The following TNR variants were observed in gnomAD, a reference collection of about 807,000 sequenced individuals.
TNR encodes tenascin-R.
In TNR, 45 loss-of-function variants were observed where a neutral mutation model predicts 150.4. That is an observed-to-expected ratio of 0.30 (90% confidence interval 0.24 to 0.38). The LOEUF (loss-of-function observed/expected upper bound fraction) is 0.38. Ranked by LOEUF, TNR falls within the 10% of genes least tolerant of loss-of-function variation. The pLI, the probability that TNR is intolerant of heterozygous loss-of-function variation, is 1.00. For missense variants in TNR, 1,544 were observed against 1,759.1 expected (o/e 0.88, Z 2.19); for synonymous variants, 687 against 678.4 (o/e 1.01, Z -0.20).
rs74923178 is a variant in TNR at position 175,643,874 on chromosome 1, A to G, written c.-165+99352T>C. Reference sequence around the variant, plus strand: ...AAATGTTATAAGACAACAACCAGTCATTTGATGCATCCTGATTGTTTAAGT... The same window carrying G: ...AAATGTTATAAGACAACAACCAGTCGTTTGATGCATCCTGATTGTTTAAGT... On this transcript the variant is annotated intron_variant, in intron 1 of 22. Coordinates refer to ENST00000367674, the MANE Select transcript of TNR (RefSeq NM_003285.3). Among the ~76,000 whole-genome samples, 1,341 of 152,360 alleles carry G rather than the reference A, an allele frequency of 8.8e-3. 22 individuals are homozygous for G. Among genetic ancestry groups the G allele is most frequent in the African/African-American group, 0.031 (1,284 of 41,584 alleles).
At chr1:175,616,450 C>T (rs1489100470) in intron 1 of TNR, among the ~76,000 whole-genome samples, 2 of 152,152 alleles carry the variant, frequency 1.3e-5, no homozygotes, top group African/African-American at 4.8e-5. Context: ...GGGATCCAGA[C>T]ATGTGAAAGT....
At chr1:175,409,389 G>C (rs1654104896) in intron 2 of TNR, among the ~76,000 whole-genome samples, 1 of 152,170 alleles carries the variant, frequency 6.6e-6, no homozygotes, top group Admixed American at 6.6e-5. Context: ...ACAAGTGACA[G>C]GGAAATTAAG....
chr1:175,546,112 G>A (rs1660676060), intron 1 of TNR, among the ~76,000 whole-genome samples: 1 of 152,120 alleles, frequency 6.6e-6, no homozygotes, highest in Non-Finnish European at 1.5e-5. Context: ...TAAATGAAGA[G>A]GCGAAAAATT....
chr1:175,687,510 G>T (rs1375309130), intron 1 of TNR, among the ~76,000 whole-genome samples: 1 of 152,102 alleles, frequency 6.6e-6, no homozygotes, highest in East Asian at 1.9e-4. Flanking sequence ...AAAGCAACAT[G>T]TTCTGTCCCT....
At chr1:175,506,966 C>A (rs531278504) in intron 2 of TNR, among the ~76,000 whole-genome samples, 1 of 152,284 alleles carries the variant, frequency 6.6e-6, no homozygotes, top group African/African-American at 2.4e-5. Context: ...CAGACCCTAA[C>A]AGTATAGCAG....
intron 1 of TNR, among the ~76,000 whole-genome samples, chr1:175,728,789 G>T (rs900476250): frequency 1.2e-4 from 18 of 152,164 alleles, no homozygotes; most frequent in African/African-American, 4.3e-4. Context: ...AAGGAGGTAG[G>T]GAAATCAATA....
chr1:175,519,695 C>T (rs913585838), intron 2 of TNR, among the ~76,000 whole-genome samples: 6 of 152,180 alleles, frequency 3.9e-5, no homozygotes, highest in African/African-American at 1.2e-4. Flanking sequence ...TACAGGGGTG[C>T]CCTGCTTTCC....
At chr1:175,438,205 G>A (rs1197942724) in intron 2 of TNR, among the ~76,000 whole-genome samples, 2 of 152,150 alleles carry the variant, frequency 1.3e-5, no homozygotes, top group Non-Finnish European at 2.9e-5. Context: ...TCATCCCTGG[G>A]ATGCAAGGCT....
intron 21 of TNR, among the ~76,000 whole-genome samples, chr1:175,325,706 A>C (rs1413307928): frequency 6.6e-6 from 1 of 152,254 alleles, no homozygotes; most frequent in African/African-American, 2.4e-5. Flanking sequence ...GAATGAGTTC[A>C]TGTCCTTTGC....
At chr1:175,568,298 T>C (rs1023996423) in intron 1 of TNR, among the ~76,000 whole-genome samples, 1 of 150,366 alleles carries the variant, frequency 6.7e-6, no homozygotes, top group African/African-American at 2.5e-5. Flanking sequence ...CATACAAGCC[T>C]AACTGCTGTT....
chr1:175,586,833 C>A (rs373517505), intron 1 of TNR, among the ~76,000 whole-genome samples: 16 of 152,140 alleles, frequency 1.1e-4, no homozygotes, highest in Admixed American at 4.6e-4. Flanking sequence ...ATGGCTGAAA[C>A]AATGTGAAGT....
chr1:175,416,012 T>C (rs545745302), intron 2 of TNR, among the ~76,000 whole-genome samples: 65 of 152,266 alleles, frequency 4.3e-4, no homozygotes, highest in South Asian at 4.2e-4. Flanking sequence ...TTATGATGCA[T>C]GGACTAGGTT....
At chr1:175,628,310 C>A (rs1664217710) in intron 1 of TNR, among the ~76,000 whole-genome samples, 1 of 152,060 alleles carries the variant, frequency 6.6e-6, no homozygotes, top group African/African-American at 2.4e-5. Flanking sequence ...TTTTTAGGAT[C>A]TCTGAAATCT....
rs183703599 is a variant in TNR, at chr1:175,386,254, C to T, written c.1555G>A (p.Val519Met). The change falls in exon 8 of 23, where the codon GTG becomes ATG. Residue 519 changes from valine to methionine, a missense_variant. By Grantham distance (21) the Val-to-Met change is conservative. This residue lies in a region of TNR where 1,254 missense variants were observed against 1,329.4 expected (regional missense o/e 0.94). Coordinates refer to ENST00000367674, the MANE Select transcript of TNR (RefSeq NM_003285.3). ...QILVRDVSDT[V>M]AFVEWIPPRA... is the part of the protein sequence containing the mutation. ...GGGGGAATCCACTCCACAAAAGCCA[C>T]AGTGTCCGAGACATCGCGAACCAGG... The T allele has an allele frequency of 2.2e-5, 36 of 1,600,146 alleles. No individual in the cohort carries two copies. Among genetic ancestry groups the T allele is most frequent in the South Asian group, 1.4e-4 (13 of 90,170 alleles).
chr1:175,423,281 C>T (rs1033304244), intron 2 of TNR, among the ~76,000 whole-genome samples: 4 of 152,140 alleles, frequency 2.6e-5, no homozygotes, highest in Non-Finnish European at 5.9e-5. Flanking sequence ...GGTCTTCTTT[C>T]CTCCTCCATC....
intron 2 of TNR, among the ~76,000 whole-genome samples, chr1:175,411,892 A>C (rs1187376511): frequency 6.6e-6 from 1 of 152,080 alleles, no homozygotes; most frequent in East Asian, 1.9e-4. Flanking sequence ...GGGTCAAGCT[A>C]AGCATTTTCC....
intron 9 of TNR, among the ~76,000 whole-genome samples, chr1:175,379,025 C>T (rs1167823629): frequency 6.6e-6 from 1 of 151,966 alleles, no homozygotes; most frequent in East Asian, 1.9e-4. Flanking sequence ...ACTAAAAACA[C>T]AAAATTAGCC....
At chr1:175,684,240 AT>A (rs1666123010) in intron 1 of TNR, among the ~76,000 whole-genome samples, 1 of 152,188 alleles carries the variant, frequency 6.6e-6, no homozygotes, top group South Asian at 2.1e-4. Context: ...TCAACAAAAT[AT>A]ATTGAGCTTC....
intron 1 of TNR, among the ~76,000 whole-genome samples, chr1:175,568,417 A>G (rs2205834): frequency 0.095 from 14,504 of 152,088 alleles, 727 homozygotes; most frequent in Middle Eastern, 0.14. Context: ...TCGGCAATCA[A>G]TTTGTCCTGT....
Sources: allele counts gnomAD v4.1 joint callset (sites outside exome capture counted in the v4.1 genomes callset), GRCh38; gene constraint gnomAD v4.1.1; regional missense constraint gnomAD v4.1.1; transcripts MANE v1.5; gene names NCBI Gene and HGNC (gene_info 2026-07-23, HGNC 2026-07-21).